DPP6: variants seen among roughly 807,000 people sequenced by gnomAD.
The protein encoded by DPP6 is dipeptidyl peptidase like 6.
A neutral mutation model predicts 122.6 loss-of-function variants in DPP6; 69 were observed. The ratio of observed to expected loss-of-function variants is 0.56; its 90% CI spans 0.46 to 0.69. DPP6 has a LOEUF of 0.69. Ranked by LOEUF, DPP6 falls within the 30% of genes least tolerant of loss-of-function variation. DPP6 has a pLI of 0.00. For missense variants in DPP6, 928 were observed against 1,116.9 expected (o/e 0.83, Z 2.41); for synonymous variants, 418 against 433.1 (o/e 0.97, Z 0.43).
At chr7:154,093,534 C>T (rs1406829629) in intron 1 of DPP6, among the ~76,000 whole-genome samples, 2 of 138,664 alleles carry the variant, frequency 1.4e-5, no homozygotes, top group African/African-American at 5.5e-5. Context: ...TACATACCCA[C>T]ACACACAAAC....
chr7:153,856,966 T>C, the DPP6 span, among the ~76,000 whole-genome samples: 1 of 152,174 alleles, frequency 6.6e-6, no homozygotes, highest in East Asian at 1.9e-4. Context: ...AATGCCAGAA[T>C]GTTACTTTTT....
intron 1 of DPP6, among the ~76,000 whole-genome samples, chr7:154,430,612 CACAA>C (rs1818275608): frequency 6.6e-6 from 1 of 152,184 alleles, no homozygotes; most frequent in Non-Finnish European, 1.5e-5. Context: ...TCTGGGGAGA[CACAA>C]ACATTCAGCC....
chr7:154,872,571 A>T, intron 18 of DPP6, 53 bp from the exon 19 acceptor site: 1 of 1,555,300 alleles, frequency 6.4e-7, no homozygotes, highest in South Asian at 1.2e-5. Context: ...CATGCCCGAT[A>T]CCCCGTGGCC....
rs568738858 is a variant in DPP6 at position 154,772,898 on chromosome 7, C to T, written c.1092C>T (p.Pro364=). ...ISLHVIGLNG[P]THDLEMMPPD... Reference sequence around the variant, plus strand: ...TACACGTTATTGGCTTAAATGGACCCACCCATGATCTGGAGATGATGCCGC... The same window carrying T: ...TACACGTTATTGGCTTAAATGGACCTACCCATGATCTGGAGATGATGCCGC... The change falls in exon 10 of 26, where the codon CCC becomes CCT. Residue 364 remains proline (P), a synonymous_variant. Coordinates refer to ENST00000377770, the MANE Select transcript of DPP6 (RefSeq NM_130797.4). 6.1e-5 allele frequency: 98 copies of T among 1,612,912 alleles called. No homozygotes were observed. The highest frequency in any genetic ancestry group is 8.1e-5 in the Non-Finnish European group (95 of 1,179,542).
intron 6 of DPP6, among the ~76,000 whole-genome samples, chr7:154,656,980 A>G (rs1192638225): frequency 5.5e-5 from 5 of 91,474 alleles, no homozygotes; most frequent in African/African-American, 2.9e-4. Flanking sequence ...GTGCCCAGAG[A>G]TGGGTGGAGA....
chr7:154,572,488 T>C (rs9640201), intron 5 of DPP6, among the ~76,000 whole-genome samples: 131,756 of 147,400 alleles, frequency 0.89, 59,193 homozygotes, highest in East Asian at 1. Flanking sequence ...TCTGAGTATA[T>C]GAGTTTCTTT....
Position 154,103,297 on chromosome 7 carries a change from G to A in DPP6, c.243+50234G>A, listed in dbSNP as rs1164496052. Among the ~76,000 whole-genome samples, 118 of 152,204 alleles carry A rather than the reference G, an allele frequency of 7.8e-4. 1 individual carries two copies. Among genetic ancestry groups the A allele is most frequent in the Non-Finnish European group, 4.4e-5 (3 of 68,044 alleles). ...CTCCATTCCGTCAGCCATACTGATG[G>A]CATTAGGTTCTCCTAAAACATCTGG... is the stretch of plus-strand genomic sequence containing the variant. On this transcript the variant is annotated intron_variant, in intron 1 of 25. Transcript: ENST00000377770.
intron 1 of DPP6, among the ~76,000 whole-genome samples, chr7:153,985,145 A>G (rs1347264190): frequency 2.0e-5 from 3 of 152,346 alleles, no homozygotes; most frequent in East Asian, 1.9e-4. Context: ...CTATTTTCCA[A>G]TGAGAGTGGA....
chr7:154,140,682 C>T (rs1463993526), intron 1 of DPP6, among the ~76,000 whole-genome samples: 1 of 152,082 alleles, frequency 6.6e-6, no homozygotes, highest in Non-Finnish European at 1.5e-5. Context: ...TACACAATAA[C>T]CTGAATTATA....
At chr7:153,962,531 C>T in intron 1 of DPP6, among the ~76,000 whole-genome samples, 1 of 152,168 alleles carries the variant, frequency 6.6e-6, no homozygotes, top group East Asian at 1.9e-4. Flanking sequence ...GTGTCACAAC[C>T]ACCCACCATC....
At chr7:154,365,729 G>A (rs921209171) in intron 1 of DPP6, among the ~76,000 whole-genome samples, 3 of 152,030 alleles carry the variant, frequency 2.0e-5, no homozygotes, top group Non-Finnish European at 4.4e-5. Flanking sequence ...CGAGGCGGGC[G>A]GATCACAAGG....
intron 15 of DPP6, among the ~76,000 whole-genome samples, chr7:154,805,464 G>T (rs1233046431): frequency 6.6e-6 from 1 of 152,132 alleles, no homozygotes; most frequent in African/African-American, 2.4e-5. Flanking sequence ...TTTGGAAGCA[G>T]TCTAAAGTTA....
intron 1 of DPP6, among the ~76,000 whole-genome samples, chr7:154,351,217 ATTTT>A (rs1373905598): frequency 3.9e-5 from 6 of 152,122 alleles, no homozygotes; most frequent in African/African-American, 1.4e-4. Flanking sequence ...GGTTTTATTA[ATTTT>A]ATGAGGACGG....
chr7:154,479,719 C>G lies in DPP6; in HGVS notation c.457+4682C>G, dbSNP rs1207075310. Reference sequence around the variant, plus strand: ...CTGTTATAACAACCGCATTGCACTTCTTAACCTTTTGGAGCCCCTTTGTGC... The same window carrying G: ...CTGTTATAACAACCGCATTGCACTTGTTAACCTTTTGGAGCCCCTTTGTGC... On this transcript the variant is annotated intron_variant, in intron 3 of 25. Transcript: ENST00000377770. Among the ~76,000 whole-genome samples the G allele has an allele frequency of 1.2e-4, 19 of 152,202 alleles. No homozygotes were observed. The East Asian group carries it at 3.7e-3, about 29-fold the overall frequency.
intron 17 of DPP6, among the ~76,000 whole-genome samples, chr7:154,859,130 A>T (rs1424170416): frequency 2.0e-5 from 3 of 152,212 alleles, no homozygotes; most frequent in Admixed American, 6.5e-5. Flanking sequence ...TGCTCACAGC[A>T]GCAGCCTCTG....
chr7:154,801,684 G>C (rs1225540198), intron 13 of DPP6, among the ~76,000 whole-genome samples: 1 of 152,156 alleles, frequency 6.6e-6, no homozygotes, highest in East Asian at 1.9e-4. Context: ...TGTGAATGAC[G>C]CTTCTGCCAA....
intron 21 of DPP6, chr7:154,884,319 C>T (rs1355269919): frequency 1.3e-5 from 2 of 149,600 alleles, no homozygotes; most frequent in African/African-American, 5.0e-5. Flanking sequence ...CTCACACACA[C>T]ATGCTCACAC....
At chr7:154,883,581 C>T (rs1488014427) in intron 21 of DPP6, 1 of 81,026 alleles carries the variant, frequency 1.2e-5, no homozygotes, top group African/African-American at 4.7e-5. Context: ...CATGCTCACC[C>T]ATACACCTGC....
chr7:153,933,206 C>A (rs1033531113), intron 1 of DPP6, among the ~76,000 whole-genome samples: 1 of 152,104 alleles, frequency 6.6e-6, no homozygotes, highest in Non-Finnish European at 1.5e-5. Context: ...GTTTCCTCAA[C>A]GGTAAACAAG....
Sources: gnomAD v4.1 joint callset for allele counts (sites outside exome capture counted in the v4.1 genomes callset) on GRCh38, gnomAD v4.1.1 for gene constraint, MANE v1.5 for transcripts, NCBI Gene and HGNC (gene_info 2026-07-23, HGNC 2026-07-21) for gene names.